The following METTL15 variants were observed in gnomAD, a reference collection of about 807,000 sequenced individuals.
METTL15 encodes the protein 12S rRNA N(4)-cytidine methyltransferase METTL15.
In METTL15, 34 loss-of-function variants were observed where a neutral mutation model predicts 38.3. That is an observed-to-expected ratio of 0.89 (90% CI 0.68 to 1.18). METTL15 has a LOEUF of 1.18. METTL15 is among the 50% of genes most tolerant of loss of function. The pLI, the probability that METTL15 is intolerant of heterozygous loss-of-function variation, is 0.00. For missense variants in METTL15, 438 were observed against 498.4 expected (o/e 0.88, Z 1.15); for synonymous variants, 162 against 170.9 (o/e 0.95, Z 0.41).
At chr11:28,167,723 T>C (rs1447151590) in intron 3 of METTL15, among the ~76,000 whole-genome samples, 2 of 151,766 alleles carry the variant, frequency 1.3e-5, no homozygotes, top group South Asian at 2.1e-4. Context: ...TAGATTCATA[T>C]CTAGTATCAA....
chr11:28,242,579 A>G (rs892597819), intron 4 of METTL15, among the ~76,000 whole-genome samples: 3 of 152,152 alleles, frequency 2.0e-5, no homozygotes, highest in Non-Finnish European at 2.9e-5. Context: ...TGAGTTTATT[A>G]TATTATTGCT....
chr11:28,109,677 A>G (rs1436421090), intron 1 of METTL15, among the ~76,000 whole-genome samples: 1 of 152,246 alleles, frequency 6.6e-6, no homozygotes, highest in East Asian at 1.9e-4. Flanking sequence ...GTAAAATTGC[A>G]TGGATCATTG....
chr11:28,371,016 TATTG>T (rs1200974015), intron 5 of METTL15, among the ~76,000 whole-genome samples: 2 of 152,100 alleles, frequency 1.3e-5, no homozygotes, highest in Non-Finnish European at 2.9e-5. Context: ...CTCTTCACTT[TATTG>T]ATTGTTTTCT....
Position 28,412,242 on chromosome 11 carries a change from G to A in METTL15, c.*359-12057G>A, listed in dbSNP as rs138298633. Among the ~76,000 whole-genome samples the A allele has an allele frequency of 5.3e-5, 8 of 151,996 alleles. No individual in the cohort carries two copies. The East Asian group carries it at 1.5e-3, about 29-fold the overall frequency. On this transcript the variant is annotated intron_variant and NMD_transcript_variant, in intron 5 of 7. Transcript: ENST00000532947. The stretch of plus-strand genomic sequence containing the variant: ...TATGACTCAGCAGTCTGTCTTCTGG[G>A]TATATACCCAAAGGAGATGAAATTA...
chr11:28,219,918 C>A (rs1010840979), intron 4 of METTL15, among the ~76,000 whole-genome samples: 25 of 152,112 alleles, frequency 1.6e-4, no homozygotes, highest in African/African-American at 6.0e-4. Context: ...GCACTATGGT[C>A]TGAGAGACAG....
intron 6 of METTL15, among the ~76,000 whole-genome samples, chr11:28,297,645 G>A (rs991165409): frequency 4.6e-5 from 7 of 152,052 alleles, no homozygotes; most frequent in Admixed American, 6.6e-5. Context: ...GCTGTGTTCC[G>A]TGATGAAAGT....
At chr11:28,172,268 A>G (rs1850887862) in intron 3 of METTL15, among the ~76,000 whole-genome samples, 1 of 152,188 alleles carries the variant, frequency 6.6e-6, no homozygotes, top group Admixed American at 6.5e-5. Flanking sequence ...CTATAAAGAC[A>G]GGATAAATAG....
intron 4 of METTL15, among the ~76,000 whole-genome samples, chr11:28,269,656 C>T (rs911511115): frequency 6.6e-6 from 1 of 152,140 alleles, no homozygotes; most frequent in African/African-American, 2.4e-5. Flanking sequence ...TGTTTACTAT[C>T]AGCACTAGAT....
chr11:28,195,280 G>A (rs1201085634), intron 3 of METTL15, among the ~76,000 whole-genome samples: 1 of 152,008 alleles, frequency 6.6e-6, no homozygotes, highest in East Asian at 1.9e-4. Context: ...ACTTCTTTGA[G>A]AAATCTCCAT....
chr11:28,268,859 A>G (rs1855535118), intron 4 of METTL15, among the ~76,000 whole-genome samples: 1 of 152,172 alleles, frequency 6.6e-6, no homozygotes, highest in Admixed American at 6.5e-5. Context: ...AAATATTCCT[A>G]ATTTCACATT....
At chr11:28,389,319 G>A (rs1375137324) in intron 5 of METTL15, among the ~76,000 whole-genome samples, 1 of 150,602 alleles carries the variant, frequency 6.6e-6, no homozygotes, top group South Asian at 2.1e-4. Flanking sequence ...CCATGCTGGT[G>A]TGCTGCACCC....
chr11:28,220,552 C>G (rs1034543200), intron 4 of METTL15, among the ~76,000 whole-genome samples: 5 of 152,118 alleles, frequency 3.3e-5, no homozygotes, highest in Admixed American at 6.6e-5. Flanking sequence ...GAGCATTTAG[C>G]CCATTGACAT....
At chr11:28,258,997 G>A (rs1855086788) in intron 4 of METTL15, among the ~76,000 whole-genome samples, 1 of 152,124 alleles carries the variant, frequency 6.6e-6, no homozygotes, top group African/African-American at 2.4e-5. Context: ...CTCAGCTGAA[G>A]CCAGCAAGTC....
At chr11:28,447,858 G>A (rs1345711359) in intron 6 of METTL15, among the ~76,000 whole-genome samples, 1 of 152,036 alleles carries the variant, frequency 6.6e-6, no homozygotes, top group Non-Finnish European at 1.5e-5. Context: ...CCTTTCATGT[G>A]GACTGAGGCA....
intron 6 of METTL15, among the ~76,000 whole-genome samples, chr11:28,303,447 T>A (rs2134012518): frequency 6.6e-6 from 1 of 152,250 alleles, no homozygotes; most frequent in African/African-American, 2.4e-5. Flanking sequence ...ATCATTGAGA[T>A]TTAGGTTAAA....
chr11:28,143,759 A>G (rs908346501), intron 3 of METTL15, among the ~76,000 whole-genome samples: 12 of 152,160 alleles, frequency 7.9e-5, no homozygotes, highest in Admixed American at 7.2e-4. Context: ...AAAAACTAAA[A>G]CCATGAGTCT....
At chr11:28,482,135 T>G (rs1269042281) in intron 6 of METTL15, among the ~76,000 whole-genome samples, 1 of 152,120 alleles carries the variant, frequency 6.6e-6, no homozygotes, top group Non-Finnish European at 1.5e-5. Flanking sequence ...AATAGCATCA[T>G]CAGCAGAAGG....
rs549677037 is a variant in METTL15, at chr11:28,139,514, A to G, written c.270+25910A>G. Among the ~76,000 whole-genome samples, 3 of 152,216 alleles carry G rather than the reference A, an allele frequency of 2.0e-5. No homozygotes were observed. The South Asian group carries it at 6.2e-4, about 32-fold the overall frequency. ...TTAACAGGGGGCCTAGGAGGTGGGA[A>G]TTATCCGCATTTACCCACATGCTGC... On this transcript the variant is annotated intron_variant, in intron 3 of 6. Coordinates refer to ENST00000407364, the MANE Select transcript of METTL15 (RefSeq NM_001113528.2).
intron 4 of METTL15, among the ~76,000 whole-genome samples, chr11:28,361,675 A>C (rs895259893): frequency 6.6e-6 from 1 of 152,144 alleles, no homozygotes; most frequent in African/African-American, 2.4e-5. Context: ...GAGGGGTATA[A>C]AAGCCCTATA....
Sources: gnomAD v4.1 joint callset for allele counts (sites outside exome capture counted in the v4.1 genomes callset) on GRCh38, gnomAD v4.1.1 for gene constraint, MANE v1.5 for transcripts, NCBI Gene and HGNC (gene_info 2026-07-23, HGNC 2026-07-21) for gene names.